Variants in LRGUK observed in about 807,000 individuals in gnomAD.
The protein encoded by LRGUK is leucine rich repeats and guanylate kinase domain containing.
In LRGUK, 65 loss-of-function variants were observed where a neutral mutation model predicts 76.0. That is an observed-to-expected ratio of 0.85 (90% CI 0.70 to 1.05). The LOEUF (loss-of-function observed/expected upper bound fraction) is 1.05. LRGUK is among the 50% of genes least tolerant of loss of function. The pLI is 0.00. For synonymous variants in LRGUK, 268 were observed against 265.6 expected (o/e 1.01, Z -0.09); for missense variants, 758 against 732.8 (o/e 1.03, Z -0.40).
At chr7:134,210,584 G>T (rs1460085994), downstream of LRGUK, among the ~76,000 whole-genome samples, 1 of 152,200 alleles carries the variant, frequency 6.6e-6, no homozygotes, top group Non-Finnish European at 1.5e-5. Flanking sequence ...TCTCCAGAGG[G>T]AAAAGGCCCC....
intron 13 of LRGUK, among the ~76,000 whole-genome samples, chr7:134,197,427 C>T (rs548642883): frequency 6.6e-6 from 1 of 152,286 alleles, no homozygotes; most frequent in East Asian, 1.9e-4. Flanking sequence ...AACTGCCACT[C>T]GAGCTTTATT....
downstream of LRGUK, among the ~76,000 whole-genome samples, chr7:134,214,275 C>T (rs77640251): frequency 0.025 from 3,822 of 151,640 alleles, 113 homozygotes; most frequent in African/African-American, 0.071. Context: ...CTATTGTTGG[C>T]GAGGCTGTGG....
At chr7:134,251,336 G>T (rs532127835) in intron 18 of LRGUK, among the ~76,000 whole-genome samples, 1 of 152,296 alleles carries the variant, frequency 6.6e-6, no homozygotes, top group African/African-American at 2.4e-5. Flanking sequence ...TGGGGCAGAA[G>T]ACAAGGAGCA....
chr7:134,183,650 A>C, intron 10 of LRGUK, 84 bp from the exon 11 acceptor site: 3 of 1,508,652 alleles, frequency 2.0e-6, no homozygotes, highest in Non-Finnish European at 2.7e-6. Context: ...TCATTTAGCC[A>C]GGTTAATGGT....
the LRGUK span, among the ~76,000 whole-genome samples, chr7:134,274,493 C>T: frequency 6.6e-6 from 1 of 152,046 alleles, no homozygotes; most frequent in African/African-American, 2.4e-5. Context: ...TTCAATTTTA[C>T]TGATTATGTT....
chr7:134,244,145 A>AG (rs1481392078), intron 16 of LRGUK, among the ~76,000 whole-genome samples: 1 of 152,256 alleles, frequency 6.6e-6, no homozygotes, highest in African/African-American at 2.4e-5. Flanking sequence ...GGCGTGGGCA[A>AG]GGACTTCATG....
At chr7:134,197,062 T>A in exon 13 of LRGUK, 3 of 1,612,354 alleles carry the variant, frequency 1.9e-6, no homozygotes, top group Non-Finnish European at 2.5e-6. Flanking sequence ...GTAGAAGGTA[T>A]CGCAAGAGAT....
downstream of LRGUK, among the ~76,000 whole-genome samples, chr7:134,210,810 C>A (rs1801235113): frequency 6.6e-6 from 1 of 152,178 alleles, no homozygotes; most frequent in Non-Finnish European, 1.5e-5. Context: ...AATGCACTTG[C>A]TTCCAAGCAG....
the LRGUK span, among the ~76,000 whole-genome samples, chr7:134,270,222 T>TAACGAA: frequency 1.3e-5 from 2 of 152,182 alleles, no homozygotes; most frequent in African/African-American, 2.4e-5. Context: ...CTAAATATGT[T>TAACGAA]CATTAAGTTC....
At chr7:134,147,411 A>T (rs1346565882) in intron 4 of LRGUK, among the ~76,000 whole-genome samples, 1 of 148,530 alleles carries the variant, frequency 6.7e-6, no homozygotes, top group Non-Finnish European at 1.5e-5. Context: ...CTTCAGCCTG[A>T]GCGACAGAGC....
At chr7:134,242,921 T>G (rs1802201337) in intron 16 of LRGUK, among the ~76,000 whole-genome samples, 1 of 152,130 alleles carries the variant, frequency 6.6e-6, no homozygotes, top group Admixed American at 6.5e-5. Context: ...ATAAAGGTAA[T>G]CCATCATATA....
intron 16 of LRGUK, among the ~76,000 whole-genome samples, chr7:134,234,990 C>A (rs1352394404): frequency 6.6e-6 from 1 of 152,170 alleles, no homozygotes; most frequent in Non-Finnish European, 1.5e-5. Flanking sequence ...ATTCTGGAAT[C>A]CAGAATCTGC....
At chr7:134,159,005 A>G (rs1161812569) in intron 6 of LRGUK, among the ~76,000 whole-genome samples, 1 of 152,150 alleles carries the variant, frequency 6.6e-6, no homozygotes, top group Non-Finnish European at 1.5e-5. Context: ...ATTTCTTACA[A>G]GAACTATCCC....
chr7:134,226,218 ATGTG>A lies in LRGUK; in HGVS notation c.1983+4340_1983+4343del, dbSNP rs57035440. Among the ~76,000 whole-genome samples, 722 of 141,778 alleles carry A rather than the reference ATGTG, an allele frequency of 5.1e-3. 3 individuals carry two copies. The highest frequency in any genetic ancestry group is 0.016 in the African/African-American group (560 of 35,386). 93.0% of individuals were successfully genotyped at this position (141,778 alleles called of 152,430 possible). On this transcript the variant is annotated intron_variant, in intron 16 of 19. Transcript: ENST00000285928. ...GACAAGGTAGAAATTCCCATCTCCAATGTGTGTGTGTGTGTGTGTGTGTGTGTGT... is the reference window on the plus strand; with the variant it reads ...GACAAGGTAGAAATTCCCATCTCCAATGTGTGTGTGTGTGTGTGTGTGTGT...
chr7:134,195,693 C>T (rs913617995), intron 12 of LRGUK, among the ~76,000 whole-genome samples: 1 of 151,686 alleles, frequency 6.6e-6, no homozygotes, highest in South Asian at 2.1e-4. Context: ...ATGCAATAAA[C>T]AAGATAAAGT....
intron 10 of LRGUK, among the ~76,000 whole-genome samples, chr7:134,182,725 G>T (rs1799806136): frequency 6.6e-6 from 1 of 150,910 alleles, no homozygotes; most frequent in Non-Finnish European, 1.5e-5. Flanking sequence ...TAAACACATT[G>T]TTCAGTGTGT....
intron 3 of LRGUK, among the ~76,000 whole-genome samples, chr7:134,140,636 T>A (rs1797728294): frequency 6.6e-6 from 1 of 152,196 alleles, no homozygotes; most frequent in African/African-American, 2.4e-5. Flanking sequence ...CCTGCCTTTT[T>A]TATGACAAAT....
chr7:134,184,957 C>T (rs944856096), intron 11 of LRGUK, among the ~76,000 whole-genome samples: 1 of 152,198 alleles, frequency 6.6e-6, no homozygotes, highest in African/African-American at 2.4e-5. Context: ...TCAGGGACAG[C>T]CTCTCCTGTC....
chr7:134,217,191 T>A (rs1356891018), intron 15 of LRGUK, among the ~76,000 whole-genome samples: 1 of 150,120 alleles, frequency 6.7e-6, no homozygotes, highest in Non-Finnish European at 1.5e-5. Context: ...GCCTTATTGC[T>A]CTATGTTTTA....
Sources: allele counts gnomAD v4.1 joint callset (sites outside exome capture counted in the v4.1 genomes callset), GRCh38; gene constraint gnomAD v4.1.1; transcripts MANE v1.5; gene names NCBI Gene and HGNC (gene_info 2026-07-23, HGNC 2026-07-21).